The following IFT88 variants were observed in gnomAD, a reference collection of about 807,000 sequenced individuals.
IFT88 encodes the protein intraflagellar transport 88.
Under a neutral mutation model 119.5 loss-of-function variants are expected in IFT88, and 74 were observed. That is an observed-to-expected ratio of 0.62 (90% confidence interval 0.51 to 0.75). The LOEUF is 0.75. Among genes scored for constraint, IFT88 ranks in the 30% least tolerant of loss-of-function variants. The pLI is 0.00. For missense variants in IFT88, 961 were observed against 977.7 expected (o/e 0.98, Z 0.23); for synonymous variants, 279 against 316.7 (o/e 0.88, Z 1.26).
chr13:20,608,184 G>A, intron 13 of IFT88: 1 of 300,212 alleles, frequency 3.3e-6, no homozygotes, highest in Non-Finnish European at 6.7e-6. Context: ...AGACTGTTCT[G>A]CGACGGCTTC....
intron 15 of IFT88, among the ~76,000 whole-genome samples, chr13:20,626,935 C>T (rs944231157): frequency 5.0e-4 from 76 of 152,308 alleles, no homozygotes; most frequent in Non-Finnish European, 8.4e-4. Context: ...ACATCCTCTC[C>T]CAAGCCTATG....
In IFT88 at chr13:20,615,841, T is replaced by C; in HGVS notation, c.1161T>C (p.Ala387=). Residue 387 remains alanine, a synonymous_variant, in exon 14 of 26, where the codon GCT becomes GCC. Coordinates refer to ENST00000351808, the MANE Select transcript of IFT88 (RefSeq NM_006531.5). ...KYIMTSAKLI[A]PVIETSFAAG... is the part of the protein sequence containing the mutation. The stretch of plus-strand genomic sequence containing the variant: ...TTATGACATCTGCAAAACTCATTGC[T>C]CCTGTAATTGAAACATCTTTTGCTG... 6.2e-7 allele frequency: 1 copy of C among 1,609,214 alleles called. No individual in the cohort carries two copies. Among genetic ancestry groups the C allele is most frequent in the South Asian group, 1.1e-5 (1 of 90,228 alleles).
chr13:20,592,824 C>A (rs1413403099), intron 7 of IFT88, among the ~76,000 whole-genome samples: 1 of 152,052 alleles, frequency 6.6e-6, no homozygotes, highest in Non-Finnish European at 1.5e-5. Context: ...ATGTGAATTC[C>A]ATAAGAATTA....
Position 20,598,740 on chromosome 13 carries a change from G to A in IFT88, c.684G>A (p.Met228Ile). The A allele has an allele frequency of 6.3e-7, 1 of 1,593,688 alleles. No individual in the cohort carries two copies. Among genetic ancestry groups the A allele is most frequent in the African/African-American group, 1.3e-5 (1 of 74,638 alleles). The change falls in exon 10 of 26, where the codon ATG (methionine) becomes ATA (isoleucine). Residue 228 changes from methionine to isoleucine, a missense_variant. Transcript: ENST00000351808. ...NTYQVIVKNK[M>I]FSNAGILKMN... ...ATCAAGTTATAGTCAAAAATAAGAT[G>A]TTTAGCAATGCAGGTAAGTGTACAT...
At chr13:20,585,870 C>T (rs758677097) in intron 3 of IFT88, among the ~76,000 whole-genome samples, 5 of 152,280 alleles carry the variant, frequency 3.3e-5, no homozygotes, top group Middle Eastern at 3.4e-3. Flanking sequence ...ACCTTCATTA[C>T]GGGAAGAAAA....
chr13:20,583,450 G>A (rs1452925546), intron 3 of IFT88, among the ~76,000 whole-genome samples: 1 of 152,026 alleles, frequency 6.6e-6, no homozygotes, highest in Non-Finnish European at 1.5e-5. Flanking sequence ...ACCACATTTT[G>A]TTTATTCATT....
At chr13:20,661,328 G>T (rs572846569) in intron 22 of IFT88, among the ~76,000 whole-genome samples, 1 of 152,286 alleles carries the variant, frequency 6.6e-6, no homozygotes, top group South Asian at 2.1e-4. Context: ...GCATTAGTAA[G>T]GGCAGAGTTA....
chr13:20,594,062 T>TAA (rs564792434), intron 7 of IFT88, among the ~76,000 whole-genome samples: 27 of 137,518 alleles, frequency 2.0e-4, no homozygotes, highest in African/African-American at 4.0e-4. Context: ...AAGAAAGACT[T>TAA]AAAAAAAAAA....
chr13:20,586,724 C>T (rs2039733986), intron 3 of IFT88, among the ~76,000 whole-genome samples: 1 of 152,176 alleles, frequency 6.6e-6, no homozygotes. Context: ...CATATCCTTC[C>T]TTTTCAGTTT....
At chr13:20,614,355 A>G (rs2045217237) in intron 13 of IFT88, 1 of 152,222 alleles carries the variant, frequency 6.6e-6, no homozygotes, top group Admixed American at 6.5e-5. Flanking sequence ...TTTCTGTAAC[A>G]GTTGACATAT....
chr13:20,608,236 G>T, intron 13 of IFT88: 1 of 266,784 alleles, frequency 3.7e-6, no homozygotes, highest in Non-Finnish European at 7.4e-6. Context: ...GACATCCAGT[G>T]AATGTACAAC....
chr13:20,567,832 C>A (rs963658609), intron 1 of IFT88: 4 of 1,145,840 alleles, frequency 3.5e-6, no homozygotes, highest in East Asian at 5.2e-5. Context: ...TACACTTTTA[C>A]TAGTCCGATT....
chr13:20,641,495 G>T, intron 18 of IFT88, 97 bp downstream of exon 18: 1 of 698,612 alleles, frequency 1.4e-6, no homozygotes, highest in Non-Finnish European at 2.5e-6. Flanking sequence ...AGTAATTGAT[G>T]AGGATAATAT....
chr13:20,641,292 C>G lies in IFT88; in HGVS notation c.1576C>G (p.Leu526Val), dbSNP rs755524960. Residue 526 changes from leucine to valine, a missense_variant and splice_region_variant, in exon 18 of 26, where the codon CTT becomes GTT. By Grantham distance (32) the Leu-to-Val change is conservative (BLOSUM62 1). Transcript: ENST00000351808. ...SCTEALYNIG[L>V]TYEKLNRLDE... ...CTTTTTTTTCTTCTTTTTTTAAGGC[C>G]TTACCTATGAGAAACTAAATCGGCT... 1 of 1,593,078 alleles carries G rather than the reference C, an allele frequency of 6.3e-7. No homozygotes were observed. Among genetic ancestry groups the G allele is most frequent in the Admixed American group, 1.7e-5 (1 of 59,576 alleles).
intron 2 of IFT88, among the ~76,000 whole-genome samples, chr13:20,582,578 G>A (rs1041913986): frequency 6.6e-6 from 1 of 152,062 alleles, no homozygotes; most frequent in African/African-American, 2.4e-5. Flanking sequence ...GAAAGACAGG[G>A]GGATGGTGGG....
intron 23 of IFT88, among the ~76,000 whole-genome samples, chr13:20,667,603 T>C (rs1004034353): frequency 1.8e-5 from 1 of 56,130 alleles, no homozygotes; most frequent in East Asian, 6.0e-4. Context: ...TTGTTTTCTT[T>C]TTTGTATTTT....
intron 23 of IFT88, among the ~76,000 whole-genome samples, chr13:20,670,071 A>C (rs1443830152): frequency 6.6e-6 from 1 of 152,206 alleles, no homozygotes; most frequent in African/African-American, 2.4e-5. Flanking sequence ...ACAATTTATA[A>C]ATATTTGGGA....
intron 2 of IFT88, among the ~76,000 whole-genome samples, chr13:20,581,964 T>G (rs939236144): frequency 3.3e-5 from 5 of 152,204 alleles, no homozygotes; most frequent in African/African-American, 1.2e-4. Context: ...AACATTTTAT[T>G]TTGATTATTT....
chr13:20,638,573 T>G (rs1414232004), intron 17 of IFT88, 55 bp downstream of exon 17: 2 of 1,274,728 alleles, frequency 1.6e-6, no homozygotes, highest in African/African-American at 3.1e-5. Flanking sequence ...TTTGTATTTG[T>G]TTTTGTTTTG....
Sources: allele counts gnomAD v4.1 joint callset (sites outside exome capture counted in the v4.1 genomes callset), GRCh38; gene constraint gnomAD v4.1.1; transcripts MANE v1.5; gene names NCBI Gene and HGNC (gene_info 2026-07-23, HGNC 2026-07-21).